Variants in NLGN4Y observed in about 807,000 individuals in gnomAD.
The protein encoded by NLGN4Y is neuroligin 4 Y-linked.
In NLGN4Y, 4 loss-of-function variants were observed where a neutral mutation model predicts 8.4. The ratio of observed to expected loss-of-function variants is 0.48; its 90% CI spans 0.23 to 1.09. NLGN4Y has a LOEUF of 1.09. NLGN4Y is among the 50% of genes least tolerant of loss of function. The probability of loss-of-function intolerance (pLI) is 0.19; values close to 1 mark genes in which losing one functional copy is unlikely to be tolerated. For synonymous variants in NLGN4Y, 35 were observed against 75.6 expected, an observed-to-expected ratio of 0.46 and a Z score of 2.78; for missense variants, 90 against 192.3, an observed-to-expected ratio of 0.47 and a Z score of 3.15.
chrY:14,570,607 T>G lies in NLGN4Y; in HGVS notation c.-112+45899T>G, dbSNP rs1052446289. ...ATTTATTTATTTATTTATTTATTTT[T>G]ATTATACTTTAAGTTTTAGGGTACA... On this transcript the variant is annotated intron_variant, in intron 1 of 6. Coordinates refer to ENST00000684976, the MANE Select transcript of NLGN4Y (RefSeq NM_001365588.1). Among the ~76,000 whole-genome samples, 4 of 33,009 alleles carry G rather than the reference T, an allele frequency of 1.2e-4. No individual in the cohort carries two copies. The East Asian group carries it at 3.1e-3, about 26-fold the overall frequency. 88.6% of individuals were successfully genotyped at this position (33,009 alleles called of 37,273 possible).
chrY:14,538,023 T>C, intron 1 of NLGN4Y, among the ~76,000 whole-genome samples: 1 of 34,098 alleles, frequency 2.9e-5, no homozygotes, highest in Non-Finnish European at 7.3e-5. Context: ...TGAAATGGAG[T>C]GCCATTATTA....
At chrY:14,658,839 C>T (rs2080663690) in intron 2 of NLGN4Y, among the ~76,000 whole-genome samples, 1 of 33,495 alleles carries the variant, frequency 3.0e-5, no homozygotes, top group African/African-American at 1.2e-4. Context: ...GCCACTTAAC[C>T]CAGTTAAAAA....
intron 4 of NLGN4Y, among the ~76,000 whole-genome samples, chrY:14,730,204 T>C (rs2080967405): frequency 3.1e-5 from 1 of 32,345 alleles, no homozygotes; most frequent in African/African-American, 1.2e-4. Flanking sequence ...TGTCAAGAGT[T>C]TGAGACCAGC....
At chrY:14,645,661 G>A in intron 2 of NLGN4Y, among the ~76,000 whole-genome samples, 1 of 33,060 alleles carries the variant, frequency 3.0e-5, no homozygotes, top group Non-Finnish European at 7.4e-5. Flanking sequence ...ATTAAAGCGT[G>A]GGCAAAAAGA....
intron 4 of NLGN4Y, among the ~76,000 whole-genome samples, chrY:14,783,684 A>G (rs766960816): frequency 4.7e-4 from 16 of 34,188 alleles, no homozygotes; most frequent in African/African-American, 1.8e-3. Flanking sequence ...ATCTTCTTTC[A>G]GAATATTTTT....
intron 2 of NLGN4Y, among the ~76,000 whole-genome samples, chrY:14,712,714 T>A: frequency 5.9e-5 from 2 of 33,674 alleles, no homozygotes. Context: ...TGATGTTCAT[T>A]TCCTTTTTCA....
At chrY:14,602,857 G>A (rs2080432759) in intron 1 of NLGN4Y, among the ~76,000 whole-genome samples, 5 of 32,958 alleles carry the variant, frequency 1.5e-4, no homozygotes, top group Admixed American at 2.8e-4. Context: ...ACACATGTGG[G>A]TGGAGAACAA....
intron 4 of NLGN4Y, chrY:14,733,648 C>A: frequency 8.1e-6 from 1 of 122,775 alleles, no homozygotes; most frequent in Admixed American, 1.5e-4. Context: ...TAGTGAAACA[C>A]GGCACTTCCC....
chrY:14,707,221 C>T, intron 2 of NLGN4Y, among the ~76,000 whole-genome samples: 2 of 23,098 alleles, frequency 8.7e-5, no homozygotes, highest in Non-Finnish European at 1.9e-4. Flanking sequence ...GATGGAGTCT[C>T]GCTCTGTAAT....
intron 4 of NLGN4Y, among the ~76,000 whole-genome samples, chrY:14,740,526 A>G (rs759750559): frequency 7.8e-4 from 26 of 33,420 alleles, no homozygotes; most frequent in African/African-American, 3.0e-3. Context: ...AATGGCAACT[A>G]AACATGCAAG....
chrY:14,552,575 T>C (rs2080196837), intron 1 of NLGN4Y, among the ~76,000 whole-genome samples: 2 of 33,560 alleles, frequency 6.0e-5, no homozygotes, highest in Admixed American at 2.7e-4. Flanking sequence ...AAAGTTTATA[T>C]ACCACGATTG....
At chrY:14,677,898 AT>A (rs2080755400) in intron 2 of NLGN4Y, among the ~76,000 whole-genome samples, 1 of 30,854 alleles carries the variant, frequency 3.2e-5, no homozygotes, top group Non-Finnish European at 7.8e-5. Flanking sequence ...TAATTTTTAT[AT>A]TTTTTTGTGG....
Position 14,841,860 on chromosome Y carries a change from G to T in NLGN4Y, c.*598G>T. ...GCCTGAACTATATTTAAGAAACTTT[G>T]TAAAAAATAAAAATGTATATAGCTG... On this transcript the variant is annotated 3_prime_UTR_variant, in exon 7 of 7. Transcript: ENST00000684976. 8.4e-6 allele frequency: 1 copy of T among 119,563 alleles called. No individual in the cohort carries two copies. Among genetic ancestry groups the T allele is most frequent in the Middle Eastern group, 2.5e-3 (1 of 398 alleles). 29.8% of individuals were successfully genotyped at this position (119,563 alleles called of 400,897 possible).
At chrY:14,751,060 C>T (rs779887378) in intron 4 of NLGN4Y, among the ~76,000 whole-genome samples, 3 of 33,662 alleles carry the variant, frequency 8.9e-5, no homozygotes, top group Admixed American at 8.2e-4. Flanking sequence ...GTGTTCTTTT[C>T]AGGCATAATT....
chrY:14,658,181 T>C, intron 2 of NLGN4Y, among the ~76,000 whole-genome samples: 1 of 33,386 alleles, frequency 3.0e-5, no homozygotes, highest in African/African-American at 1.2e-4. Context: ...AGACTGATCA[T>C]TTTTAATTTT....
rs1305125680 is a variant in NLGN4Y, at chrY:14,843,530, C to A, written c.*2268C>A. 1 of 121,338 alleles carries A rather than the reference C, an allele frequency of 8.2e-6. No individual in the cohort carries two copies. Among genetic ancestry groups the A allele is most frequent in the Non-Finnish European group, 1.8e-5 (1 of 56,121 alleles). The allele number at this position is 121,338 out of a possible 400,897, so 30.3% of individuals were successfully genotyped here. A position where few individuals can be genotyped will look rare whatever the true frequency, so the allele number is the denominator to read the frequency against. The stretch of plus-strand genomic sequence containing the variant: ...CATATTTCCAATTGTCTCCTGCTAG[C>A]AATATGTGCCACAACATGACAGTCT... On this transcript the variant is annotated 3_prime_UTR_variant, in exon 7 of 7. Transcript: ENST00000684976.
At chrY:14,723,090 C>T (rs377668708) in intron 3 of NLGN4Y, 27 bp from the exon 4 acceptor site, 170 of 385,059 alleles carry the variant, frequency 4.4e-4, no homozygotes, top group Middle Eastern at 2.4e-3. Flanking sequence ...TTCTTTACTG[C>T]GTTTCCTTAC....
intron 4 of NLGN4Y, among the ~76,000 whole-genome samples, chrY:14,770,541 A>C: frequency 3.0e-5 from 1 of 33,591 alleles, no homozygotes; most frequent in South Asian, 6.7e-4. Flanking sequence ...CAAAAACCTC[A>C]TCCAAAAGTC....
intron 4 of NLGN4Y, among the ~76,000 whole-genome samples, chrY:14,771,071 T>C: frequency 3.1e-5 from 1 of 32,165 alleles, no homozygotes; most frequent in African/African-American, 1.2e-4. Flanking sequence ...AGGCCAAACC[T>C]ACATTTGCTT....
Sources: gnomAD v4.1 joint callset for allele counts (sites outside exome capture counted in the v4.1 genomes callset) on GRCh38, gnomAD v4.1.1 for gene constraint, MANE v1.5 for transcripts, NCBI Gene and HGNC (gene_info 2026-07-23, HGNC 2026-07-21) for gene names.